The following RAVER2 variants were observed in gnomAD, a reference collection of about 807,000 sequenced individuals.
RAVER2 encodes ribonucleoprotein PTB-binding 2.
RAVER2 carries 46 observed loss-of-function variants against 78.1 expected under a neutral mutation model. The ratio of observed to expected loss-of-function variants is 0.59; its 90% CI spans 0.46 to 0.75. The LOEUF is 0.75. Among genes scored for constraint, RAVER2 ranks in the 30% least tolerant of loss-of-function variants. RAVER2 has a pLI of 0.00. For synonymous variants in RAVER2, 311 were observed against 313.3 expected, an observed-to-expected ratio of 0.99 and a Z score of 0.08; for missense variants, 793 against 837.5, an observed-to-expected ratio of 0.95 and a Z score of 0.66.
At chr1:64,747,514 C>CTT (rs1229816566) in intron 1 of RAVER2, among the ~76,000 whole-genome samples, 2 of 144,136 alleles carry the variant, frequency 1.4e-5, no homozygotes, top group Non-Finnish European at 3.1e-5. Context: ...TTCTTTCTTT[C>CTT]TTTTTTTTTT....
chr1:64,820,256 G>A (rs1208270123), intron 11 of RAVER2, among the ~76,000 whole-genome samples: 1 of 151,896 alleles, frequency 6.6e-6, no homozygotes, highest in Non-Finnish European at 1.5e-5. Flanking sequence ...GAAAACATGT[G>A]ATTAAGCCAA....
chr1:64,798,372 C>T (rs577433609), intron 5 of RAVER2, among the ~76,000 whole-genome samples: 132 of 141,116 alleles, frequency 9.4e-4, no homozygotes, highest in African/African-American at 2.9e-3. Flanking sequence ...TGAATAATGC[C>T]GCAATAAACA....
At chr1:64,746,148 A>G (rs1185822989) in intron 1 of RAVER2, among the ~76,000 whole-genome samples, 1 of 152,080 alleles carries the variant, frequency 6.6e-6, no homozygotes, top group Admixed American at 6.6e-5. Context: ...GCATCTATTT[A>G]ACTTTTTTTT....
At chr1:64,787,627 G>T (rs1414882068) in intron 4 of RAVER2, among the ~76,000 whole-genome samples, 1 of 152,156 alleles carries the variant, frequency 6.6e-6, no homozygotes, top group Non-Finnish European at 1.5e-5. Flanking sequence ...TGACCAGCTG[G>T]TCTGCCCGCC....
intron 4 of RAVER2, 41 bp downstream of exon 4, chr1:64,781,612 A>G: frequency 6.4e-7 from 1 of 1,564,234 alleles, no homozygotes. Context: ...TAGAGTATAG[A>G]AAATTCTAAT....
chr1:64,812,107 G>T (rs144697492), intron 9 of RAVER2, among the ~76,000 whole-genome samples: 1 of 151,896 alleles, frequency 6.6e-6, no homozygotes, highest in Non-Finnish European at 1.5e-5. Context: ...ACACTTTGGT[G>T]TTGAGCCAAC....
chr1:64,831,089 TTA>T, exon 12 of RAVER2: 4 of 1,236,854 alleles, frequency 3.2e-6, no homozygotes, highest in Non-Finnish European at 4.4e-6. Flanking sequence ...AAATACGGGT[TTA>T]TAGTTTCCCA....
rs1290357765 is a variant in RAVER2, at chr1:64,798,081, AC to A, written c.1106-4891del. 4.6e-5 allele frequency among the ~76,000 whole-genome samples: 3 copies of A among 64,976 alleles called. No homozygotes were observed. In the South Asian group the frequency reaches 2.1e-3, roughly 46 times the overall value. 42.6% of individuals were successfully genotyped at this position (64,976 alleles called of 152,430 possible). ...AATGCTATCCCTCCCCCCTCCCCCC[AC>A]CCCACCACAGTCCCCAGCGTGTGAT... On this transcript the variant is annotated intron_variant, in intron 5 of 11. Coordinates refer to ENST00000294428, the Ensembl canonical transcript of RAVER2.
rs56313231 is a variant in RAVER2, at chr1:64,755,018, T to A, written c.249+9597T>A. 2.6e-3 allele frequency among the ~76,000 whole-genome samples: 396 copies of A among 152,320 alleles called. 3 individuals carry two copies. Among genetic ancestry groups the A allele is most frequent in the Non-Finnish European group, 4.0e-3 (274 of 68,020 alleles). On this transcript the variant is annotated intron_variant, in intron 1 of 11. Coordinates refer to ENST00000294428, the Ensembl canonical transcript of RAVER2. ...CTCTAGTCACTCAGCAGCCCACAAC[T>A]GACATTTTAGGTTCTGTGCCTGGCC...
At chr1:64,820,318 G>A (rs1653854804) in intron 11 of RAVER2, among the ~76,000 whole-genome samples, 2 of 152,068 alleles carry the variant, frequency 1.3e-5, no homozygotes, top group Admixed American at 6.6e-5. Flanking sequence ...ACAAATATCC[G>A]AATGGTAAAC....
chr1:64,818,175 C>G (rs1260344417), intron 11 of RAVER2, among the ~76,000 whole-genome samples: 3 of 152,128 alleles, frequency 2.0e-5, no homozygotes, highest in Non-Finnish European at 4.4e-5. Context: ...ATTTAAAAAC[C>G]TAATTGGCAT....
intron 5 of RAVER2, among the ~76,000 whole-genome samples, chr1:64,794,220 A>AAC (rs1210693538): frequency 6.6e-6 from 1 of 151,842 alleles, no homozygotes; most frequent in Non-Finnish European, 1.5e-5. Context: ...ACCACGGTGA[A>AAC]ACCCCGTTTC....
intron 10 of RAVER2, among the ~76,000 whole-genome samples, chr1:64,813,422 CTGATA>C (rs1314357818): frequency 5.9e-5 from 9 of 151,916 alleles, no homozygotes; most frequent in African/African-American, 2.2e-4. Flanking sequence ...TCTACATATA[CTGATA>C]TGAGATGAAC....
chr1:64,794,055 G>T (rs1157779965), intron 5 of RAVER2, among the ~76,000 whole-genome samples: 2 of 151,916 alleles, frequency 1.3e-5, no homozygotes, highest in African/African-American at 2.4e-5. Flanking sequence ...TATTCTCTTT[G>T]ATAATTAACT....
At chr1:64,780,422 A>G (rs1652596791) in intron 3 of RAVER2, among the ~76,000 whole-genome samples, 1 of 152,230 alleles carries the variant, frequency 6.6e-6, no homozygotes, top group Non-Finnish European at 1.5e-5. Context: ...GAAGGAAAAG[A>G]TAGAAATTTG....
chr1:64,758,124 C>T (rs531042069), intron 1 of RAVER2, among the ~76,000 whole-genome samples: 2 of 152,248 alleles, frequency 1.3e-5, no homozygotes, highest in East Asian at 3.9e-4. Flanking sequence ...CAGTGCCCTC[C>T]TCACCATGTT....
At chr1:64,832,762 T>C (rs1197581872) in exon 12 of RAVER2, 1 of 152,198 alleles carries the variant, frequency 6.6e-6, no homozygotes, top group Non-Finnish European at 1.5e-5. Flanking sequence ...TGATAAGAAT[T>C]AGGCATCATT....
At chr1:64,824,302 A>G (rs1335146106) in intron 11 of RAVER2, among the ~76,000 whole-genome samples, 1 of 152,192 alleles carries the variant, frequency 6.6e-6, no homozygotes, top group Admixed American at 6.5e-5. Flanking sequence ...GGGAAGAGGA[A>G]AGAAAAATGA....
intron 11 of RAVER2, among the ~76,000 whole-genome samples, chr1:64,827,348 G>C (rs954350702): frequency 6.6e-6 from 1 of 152,094 alleles, no homozygotes; most frequent in Admixed American, 6.5e-5. Flanking sequence ...GGGTAGGGTG[G>C]GGATATAGTA....
Sources: gnomAD v4.1 joint callset for allele counts (sites outside exome capture counted in the v4.1 genomes callset) on GRCh38, gnomAD v4.1.1 for gene constraint, MANE v1.5 for transcripts, NCBI Gene and HGNC (gene_info 2026-07-23, HGNC 2026-07-21) for gene names.